The following NRDC variants were observed in gnomAD, a reference collection of about 807,000 sequenced individuals.
NRDC encodes nardilysin.
A neutral mutation model predicts 147.1 loss-of-function variants in NRDC; 54 were observed. The ratio of observed to expected loss-of-function variants is 0.37; its 90% CI spans 0.29 to 0.46. NRDC has a LOEUF of 0.46. Ranked by LOEUF, NRDC falls within the 20% of genes least tolerant of loss-of-function variation. The probability of loss-of-function intolerance (pLI) is 1.00; values close to 1 mark genes in which losing one functional copy is unlikely to be tolerated. For missense variants in NRDC, 1,082 were observed against 1,370.6 expected, an observed-to-expected ratio of 0.79 and a Z score of 3.33; for synonymous variants, 440 against 482.1, an observed-to-expected ratio of 0.91 and a Z score of 1.14.
Position 51,860,817 on chromosome 1 carries a change from A to T in NRDC, c.341+17458T>A, listed in dbSNP as rs576666477. Among the ~76,000 whole-genome samples the T allele has an allele frequency of 2.6e-5, 4 of 152,332 alleles. No individual in the cohort carries two copies. In the East Asian group the frequency reaches 7.7e-4, roughly 29 times the overall value. Reference sequence around the variant, plus strand: ...TAGTAGCTAGAATATTACAAGAGAGATAGTGTGGGACACTATCAGCCTTAA... The same window carrying T: ...TAGTAGCTAGAATATTACAAGAGAGTTAGTGTGGGACACTATCAGCCTTAA... On this transcript the variant is annotated intron_variant, in intron 1 of 30. Coordinates refer to ENST00000352171, the MANE Select transcript of NRDC (RefSeq NM_001101662.2).
At chr1:51,846,573 T>C (rs1681611812) in intron 1 of NRDC, among the ~76,000 whole-genome samples, 2 of 152,254 alleles carry the variant, frequency 1.3e-5, no homozygotes, top group South Asian at 2.1e-4. Context: ...AATGTTCGGA[T>C]GTGTTCAGAG....
At chr1:51,851,425 G>A (rs559170652) in intron 1 of NRDC, among the ~76,000 whole-genome samples, 5 of 151,662 alleles carry the variant, frequency 3.3e-5, no homozygotes, top group Non-Finnish European at 5.9e-5. Context: ...TAGGTTTTGC[G>A]ACAAACCTTT....
intron 1 of NRDC, among the ~76,000 whole-genome samples, chr1:51,854,749 C>CAA (rs1277183582): frequency 6.6e-6 from 1 of 152,152 alleles, no homozygotes; most frequent in Non-Finnish European, 1.5e-5. Context: ...CATAGCGAGA[C>CAA]CCCATCTCTA....
chr1:51,804,092 GGT>G (rs1679338391), intron 19 of NRDC, 128 bp from the exon 20 acceptor site: 1 of 751,092 alleles, frequency 1.3e-6, no homozygotes, highest in Admixed American at 3.2e-5. Flanking sequence ...GAATGTAAAA[GGT>G]AATACAGCTT....
At chr1:51,843,537 T>C (rs1355609287) in intron 1 of NRDC, among the ~76,000 whole-genome samples, 1 of 152,224 alleles carries the variant, frequency 6.6e-6, no homozygotes. Context: ...AAACATTTGT[T>C]GAAGATACTA....
chr1:51,793,129 C>T (rs1678731027), intron 24 of NRDC, among the ~76,000 whole-genome samples: 1 of 152,184 alleles, frequency 6.6e-6, no homozygotes, highest in African/African-American at 2.4e-5. Context: ...CTGTTTCCCT[C>T]TAAACAGACC....
At chr1:51,842,321 A>G (rs778929002) in intron 1 of NRDC, among the ~76,000 whole-genome samples, 95 of 152,238 alleles carry the variant, frequency 6.2e-4, no homozygotes, top group Non-Finnish European at 8.8e-4. Flanking sequence ...TTTAGAAATC[A>G]TTAGAAGACA....
intron 10 of NRDC, 87 bp downstream of exon 10, chr1:51,817,979 A>T: frequency 1.1e-6 from 1 of 951,950 alleles, no homozygotes; most frequent in Non-Finnish European, 1.6e-6. Flanking sequence ...TTATAAATTC[A>T]GAACCCCCAA....
rs1207326334 is a variant in NRDC, at chr1:51,878,405, C to A, written c.211G>T (p.Asp71Tyr). ...SCPDLQPNGQ[D>Y]LGENSRVARL... is the part of the protein sequence containing the mutation. ...GCAACCCGGCTGTTCTCGCCCAGAT[C>A]CTGTCCATTGGGCTGCAGGTCAGGG... is the stretch of plus-strand genomic sequence containing the variant. The change falls in exon 1 of 31, where the codon GAT becomes TAT. Residue 71 changes from aspartate to tyrosine, a missense_variant. Physicochemically the swap from Asp to Tyr is radical, Grantham distance 160 (BLOSUM62 -3). Coordinates refer to ENST00000352171, the MANE Select transcript of NRDC (RefSeq NM_001101662.2). 4 of 1,614,184 alleles carry A rather than the reference C, an allele frequency of 2.5e-6. No homozygotes were observed. Among genetic ancestry groups the A allele is most frequent in the Non-Finnish European group, 1.7e-6 (2 of 1,180,044 alleles).
chr1:51,876,915 C>G (rs917036951), intron 1 of NRDC, among the ~76,000 whole-genome samples: 2 of 152,184 alleles, frequency 1.3e-5, no homozygotes, highest in African/African-American at 4.8e-5. Context: ...ACGGGCTGGG[C>G]GGGGTGGCTC....
intron 1 of NRDC, among the ~76,000 whole-genome samples, chr1:51,867,512 T>C (rs192360182): frequency 6.9e-4 from 105 of 152,286 alleles, no homozygotes; most frequent in Admixed American, 4.7e-3. Context: ...TAAGGGTAGA[T>C]GAGAAGTCTG....
chr1:51,790,956 G>T lies in NRDC; in HGVS notation c.2995C>A (p.Leu999Ile). The T allele has an allele frequency of 6.2e-7, 1 of 1,613,460 alleles. No homozygotes were observed. The highest frequency in any genetic ancestry group is 8.5e-7 in the Non-Finnish European group (1 of 1,179,636). The part of the protein sequence containing the change: ...EVVDKKIEEF[L>I]SSFEEKIENL... ...TCAATCTTCTCCTCAAAGCTAGAAA[G>T]AAACTCTTCTATCTTCTTATCAACA... Residue 999 changes from leucine to isoleucine, a missense_variant, in exon 28 of 31, where the codon CTT becomes ATT. Physicochemically the swap from Leu to Ile is conservative, Grantham distance 5. Transcript: ENST00000352171.
intron 1 of NRDC, chr1:51,862,142 T>C (rs538706378): frequency 4.6e-5 from 7 of 152,366 alleles, no homozygotes; most frequent in African/African-American, 1.4e-4. Flanking sequence ...TGATTTAGCA[T>C]GAAAATCTGG....
At position 51,834,088 on chromosome 1, in the gene NRDC, G is replaced by C; in HGVS notation, c.795C>G (p.Ala265=). Residue 265 remains alanine (A), a synonymous_variant, in exon 4 of 31, where the codon GCC becomes GCG. Coordinates refer to ENST00000352171, the MANE Select transcript of NRDC (RefSeq NM_001101662.2). ...AGACAGTGCGTTCACAATCAGTTGA[G>C]GCATTATCACTACCCCCATGCTTCT... ...FLKKHGGSDN[A]STDCERTVFQ... is the part of the protein sequence containing the mutation. 1.9e-6 allele frequency: 3 copies of C among 1,614,014 alleles called. No individual in the cohort carries two copies. Among genetic ancestry groups the C allele is most frequent in the Non-Finnish European group, 2.5e-6 (3 of 1,179,974 alleles).
At chr1:51,842,467 T>C (rs919411113) in intron 1 of NRDC, among the ~76,000 whole-genome samples, 1 of 152,096 alleles carries the variant, frequency 6.6e-6, no homozygotes, top group African/African-American at 2.4e-5. Flanking sequence ...CTCAGGGCAA[T>C]AAGCTCAATT....
chr1:51,847,373 C>T (rs530901436), intron 1 of NRDC, among the ~76,000 whole-genome samples: 88 of 152,388 alleles, frequency 5.8e-4, no homozygotes, highest in Middle Eastern at 3.4e-3. Context: ...CCCTGCCTTG[C>T]GCCCGCACTC....
intron 1 of NRDC, among the ~76,000 whole-genome samples, chr1:51,867,717 A>G (rs1449377186): frequency 6.6e-6 from 1 of 152,234 alleles, no homozygotes; most frequent in East Asian, 1.9e-4. Context: ...TAATGTAAAG[A>G]TATTGGTGAC....
At chr1:51,849,827 AAAAG>A (rs1239663999) in intron 1 of NRDC, among the ~76,000 whole-genome samples, 1 of 151,286 alleles carries the variant, frequency 6.6e-6, no homozygotes, top group Admixed American at 6.6e-5. Flanking sequence ...AAAACAAAAA[AAAAG>A]AAAGAAAAGG....
intron 22 of NRDC, chr1:51,797,976 C>T (rs1679010596): frequency 2.8e-6 from 1 of 361,920 alleles, no homozygotes; most frequent in African/African-American, 2.1e-5. Flanking sequence ...CACTGTGTTG[C>T]CTGGACTGGT....
Sources: allele counts gnomAD v4.1 joint callset (sites outside exome capture counted in the v4.1 genomes callset), GRCh38; gene constraint gnomAD v4.1.1; transcripts MANE v1.5; gene names NCBI Gene and HGNC (gene_info 2026-07-23, HGNC 2026-07-21).